The following KCNJ15 variants were observed in gnomAD, a reference collection of about 807,000 sequenced individuals.
KCNJ15 encodes potassium inwardly rectifying channel subfamily J member 15.
In KCNJ15, 14 loss-of-function variants were observed where a neutral mutation model predicts 23.0. The observed-to-expected ratio is 0.61, with a 90% CI of 0.40 to 0.95. The LOEUF (loss-of-function observed/expected upper bound fraction) is 0.95. Ranked by LOEUF, KCNJ15 falls within the 40% of genes least tolerant of loss-of-function variation. The pLI is 0.00. For synonymous variants in KCNJ15, 185 were observed against 183.2 expected, an observed-to-expected ratio of 1.01 and a Z score of -0.08; for missense variants, 388 against 461.8, an observed-to-expected ratio of 0.84 and a Z score of 1.46.
chr21:38,238,160 C>T (rs1046168815), intron 1 of KCNJ15: 15 of 406,286 alleles, frequency 3.7e-5, no homozygotes, highest in Admixed American at 3.1e-4. Context: ...CACGGCCCTG[C>T]AGGACCTGAG....
At chr21:38,270,571 A>G (rs780819968) in intron 1 of KCNJ15, among the ~76,000 whole-genome samples, 4 of 152,164 alleles carry the variant, frequency 2.6e-5, no homozygotes, top group Non-Finnish European at 5.9e-5. Context: ...CTAGAAGGTC[A>G]TAACCTGAAG....
intron 1 of KCNJ15, among the ~76,000 whole-genome samples, chr21:38,248,785 C>A (rs1422803650): frequency 6.6e-6 from 1 of 152,176 alleles, no homozygotes; most frequent in Non-Finnish European, 1.5e-5. Flanking sequence ...TGTCTGAGTG[C>A]AACCAGCAGG....
intron 1 of KCNJ15, chr21:38,296,459 T>C (rs920362805): frequency 4.6e-5 from 7 of 152,294 alleles, no homozygotes; most frequent in Non-Finnish European, 5.9e-5. Context: ...TTGTTCTTTC[T>C]GCCAGGACCC....
chr21:38,282,334 T>C (rs993358948), intron 1 of KCNJ15, among the ~76,000 whole-genome samples: 4 of 152,174 alleles, frequency 2.6e-5, no homozygotes, highest in African/African-American at 9.7e-5. Flanking sequence ...TCTTTGTCTA[T>C]GATGGTCAGT....
rs573448311 is a variant in KCNJ15, at chr21:38,243,284, C to T, written c.-398-13762C>T. Among the ~76,000 whole-genome samples, 25 of 152,208 alleles carry T rather than the reference C, an allele frequency of 1.6e-4. No individual in the cohort carries two copies. In the South Asian group the frequency reaches 5.0e-3, roughly 30 times the overall value. On this transcript the variant is annotated intron_variant, in intron 1 of 4. Coordinates refer to the KCNJ15 transcript ENST00000547341. ...ACAGGACAACACTTACACTCAGGTG[C>T]TCAATAATCATTTGTTGGAAATAAC...
rs551503560 is a variant in KCNJ15, at chr21:38,245,595, G to A, written c.-398-11451G>A. ...AAAGAAAGAAAGAAAGAGAGAGAGA[G>A]AAAGAAAGAAAGGAGGGAAGGAAGG... On this transcript the variant is annotated intron_variant, in intron 1 of 4. Coordinates refer to the KCNJ15 transcript ENST00000547341. 3.0e-4 allele frequency among the ~76,000 whole-genome samples: 44 copies of A among 148,280 alleles called. No individual in the cohort carries two copies. The South Asian group carries it at 9.0e-3, about 30-fold the overall frequency.
At chr21:38,272,847 T>A (rs1982244645) in intron 1 of KCNJ15, among the ~76,000 whole-genome samples, 1 of 152,156 alleles carries the variant, frequency 6.6e-6, no homozygotes, top group African/African-American at 2.4e-5. Context: ...GGAAATCAAC[T>A]GATTAATACT....
At chr21:38,281,314 A>G (rs1003982617) in intron 1 of KCNJ15, among the ~76,000 whole-genome samples, 3 of 152,172 alleles carry the variant, frequency 2.0e-5, no homozygotes, top group Non-Finnish European at 4.4e-5. Context: ...TATGGGGTAC[A>G]TGTGCAGGTT....
intron 1 of KCNJ15, among the ~76,000 whole-genome samples, chr21:38,242,756 C>T (rs910807995): frequency 1.3e-5 from 2 of 152,138 alleles, no homozygotes; most frequent in Admixed American, 6.5e-5. Flanking sequence ...TCCCCTCCTG[C>T]CACCTGCTCT....
At chr21:38,269,457 C>A (rs997388653) in intron 1 of KCNJ15, among the ~76,000 whole-genome samples, 1 of 152,140 alleles carries the variant, frequency 6.6e-6, no homozygotes, top group Non-Finnish European at 1.5e-5. Context: ...CCGAAATTAC[C>A]CTTGTCATTG....
Position 38,304,058 on chromosome 21 carries a change from G to T in KCNJ15, c.*3669G>T, listed in dbSNP as rs1985953210. 3.4e-5 allele frequency: 5 copies of T among 146,674 alleles called. No individual in the cohort carries two copies. Among genetic ancestry groups the T allele is most frequent in the South Asian group, 2.2e-4 (1 of 4,608 alleles). 9.1% of individuals were successfully genotyped at this position (146,674 alleles called of 1,614,324 possible). On this transcript the variant is annotated 3_prime_UTR_variant, in exon 3 of 3. Transcript: ENST00000398938. ...TTCTATTAAATTTCTGAAATAACTA[G>T]TTTTTTTTTTTTGAACTTGAAAATC...
intron 1 of KCNJ15, among the ~76,000 whole-genome samples, chr21:38,277,332 TG>T (rs1456676438): frequency 6.6e-6 from 1 of 152,152 alleles, no homozygotes; most frequent in Non-Finnish European, 1.5e-5. Flanking sequence ...GCTGCTAAAA[TG>T]GTCACCAGAT....
intron 1 of KCNJ15, among the ~76,000 whole-genome samples, chr21:38,248,204 A>G (rs1979586491): frequency 6.6e-6 from 1 of 152,238 alleles, no homozygotes; most frequent in South Asian, 2.1e-4. Flanking sequence ...TCATCAACAA[A>G]TGAAGAACAG....
chr21:38,277,248 G>A (rs1982812999), intron 1 of KCNJ15, among the ~76,000 whole-genome samples: 1 of 152,146 alleles, frequency 6.6e-6, no homozygotes, highest in Non-Finnish European at 1.5e-5. Context: ...AATTGAGGAG[G>A]ATTAGGGGAG....
rs1985783995 is a variant in KCNJ15 at position 38,301,600 on chromosome 21, GC to G, written c.*1213del. Reference sequence around the variant, plus strand: ...GCTGATGTTTGTAAGGTCCGGTGGGGCCATGAGGAAGAAGAGGAGCTGAAGG... The same window carrying G: ...GCTGATGTTTGTAAGGTCCGGTGGGGCATGAGGAAGAAGAGGAGCTGAAGG... On this transcript the variant is annotated 3_prime_UTR_variant, in exon 3 of 3. Transcript: ENST00000398938. The G allele has an allele frequency of 6.0e-6, 1 of 167,036 alleles. No individual in the cohort carries two copies. The highest frequency in any genetic ancestry group is 2.4e-5 in the African/African-American group (1 of 41,426). The allele number at this position is 167,036 out of a possible 1,614,324, so 10.3% of individuals were successfully genotyped here. A position where few individuals can be genotyped will look rare whatever the true frequency, so the allele number is the denominator to read the frequency against.
chr21:38,285,975 G>T (rs1178551327), intron 1 of KCNJ15, among the ~76,000 whole-genome samples: 4 of 152,206 alleles, frequency 2.6e-5, no homozygotes, highest in Non-Finnish European at 5.9e-5. Flanking sequence ...TGGGCGCGGT[G>T]GTTCATGCCT....
intron 1 of KCNJ15, among the ~76,000 whole-genome samples, chr21:38,280,608 T>C (rs983695461): frequency 6.6e-6 from 1 of 152,180 alleles, no homozygotes; most frequent in African/African-American, 2.4e-5. Flanking sequence ...GGTTTCCAGC[T>C]ATGTTTCCCA....
intron 1 of KCNJ15, chr21:38,238,548 C>T (rs1401154135): frequency 7.8e-6 from 5 of 637,004 alleles, no homozygotes; most frequent in African/African-American, 3.6e-5. Flanking sequence ...GGACATGGTG[C>T]ATGTGCTGGG....
At chr21:38,262,551 G>A (rs758011394) in intron 1 of KCNJ15, among the ~76,000 whole-genome samples, 10 of 152,048 alleles carry the variant, frequency 6.6e-5, no homozygotes, top group East Asian at 1.9e-4. Flanking sequence ...TATTTTGAAC[G>A]TCTTGTTTAA....
Sources: allele counts gnomAD v4.1 joint callset (sites outside exome capture counted in the v4.1 genomes callset), GRCh38; gene constraint gnomAD v4.1.1; transcripts MANE v1.5; gene names NCBI Gene and HGNC (gene_info 2026-07-23, HGNC 2026-07-21).